The following SLC12A3 variants were observed in gnomAD, a reference collection of about 807,000 sequenced individuals.
SLC12A3 encodes the protein Na-Cl cotransporter.
A neutral mutation model predicts 121.0 loss-of-function variants in SLC12A3; 104 were observed. The observed-to-expected ratio is 0.86, with a 90% CI of 0.73 to 1.01. The LOEUF is 1.01. Ranked by LOEUF, SLC12A3 falls within the 50% of genes least tolerant of loss-of-function variation. The pLI, the probability that SLC12A3 is intolerant of heterozygous loss-of-function variation, is 0.00. For missense variants in SLC12A3, 1,328 were observed against 1,356.3 expected, an observed-to-expected ratio of 0.98 and a Z score of 0.33; for synonymous variants, 536 against 533.4, an observed-to-expected ratio of 1.00 and a Z score of -0.07.
chr16:56,890,132 A>G, intron 18 of SLC12A3, 142 bp from the exon 19 acceptor site: 1 of 719,886 alleles, frequency 1.4e-6, no homozygotes, highest in Non-Finnish European at 2.5e-6. Flanking sequence ...TACAGGATAC[A>G]GATGGGGAAA....
intron 1 of SLC12A3, 127 bp from the exon 2 acceptor site, chr16:56,866,943 C>T: frequency 7.9e-7 from 1 of 1,272,316 alleles, no homozygotes; most frequent in Non-Finnish European, 1.1e-6. Context: ...AGCAGCTCAA[C>T]ACCCAGTGGG....
intron 2 of SLC12A3, among the ~76,000 whole-genome samples, chr16:56,868,057 TA>T (rs1288447376): frequency 1.3e-5 from 2 of 152,112 alleles, no homozygotes; most frequent in Non-Finnish European, 2.9e-5. Flanking sequence ...GCTGGTAGCC[TA>T]GCGTCAGGAC....
intron 25 of SLC12A3, chr16:56,906,917 A>T (rs2055615163): frequency 2.1e-6 from 1 of 468,370 alleles, no homozygotes. Flanking sequence ...TGGTGCTGGC[A>T]AAAGGTGGGC....
rs1776291751 is a variant in SLC12A3, at chr16:56,878,968, G to C, written c.1181-105G>C. The C allele has an allele frequency of 2.2e-6, 3 of 1,345,952 alleles. No individual in the cohort carries two copies. In the East Asian group the frequency reaches 7.5e-5, roughly 34 times the overall value. 83.4% of individuals were successfully genotyped at this position (1,345,952 alleles called of 1,614,324 possible). On this transcript the variant is annotated intron_variant, in intron 9 of 25. Transcript: ENST00000563236. The stretch of plus-strand genomic sequence containing the variant: ...ATTATCATTGCATAATGAAGGGACA[G>C]CTGCCCATCATCTGCAGCACCTCGC...
intron 8 of SLC12A3, among the ~76,000 whole-genome samples, chr16:56,875,971 A>G (rs1159439668): frequency 6.6e-6 from 1 of 151,808 alleles, no homozygotes; most frequent in Non-Finnish European, 1.5e-5. Flanking sequence ...TTTTCACCAC[A>G]AATTGGGTGG....
Position 56,870,664 on chromosome 16 carries a change from C to T in SLC12A3, c.780C>T (p.Ile260=). 1.2e-6 allele frequency: 2 copies of T among 1,613,814 alleles called. No individual in the cohort carries two copies. Among genetic ancestry groups the T allele is most frequent in the Non-Finnish European group, 1.7e-6 (2 of 1,179,704 alleles). The part of the protein sequence containing the change: ...GAPIVDPIND[I]RIIAVVSVTV... ...CCATCGTGGACCCCATTAACGACAT[C>T]CGCATCATTGCCGTGGTCTCGGTCA... The change falls in exon 6 of 26, where the codon ATC becomes ATT. Residue 260 remains isoleucine, a synonymous_variant. Coordinates refer to ENST00000563236, the MANE Select transcript of SLC12A3 (RefSeq NM_001126108.2).
intron 16 of SLC12A3, among the ~76,000 whole-genome samples, 163 bp downstream of exon 16, chr16:56,886,638 C>T (rs1470834481): frequency 2.0e-5 from 3 of 152,112 alleles, no homozygotes; most frequent in Non-Finnish European, 2.9e-5. Context: ...TGATGTCCAC[C>T]CACAGAGTGG....
At chr16:56,878,040 C>CTCCCTCCCTCCCTCCCTCTCTCCG (rs2055187406) in intron 8 of SLC12A3, 37 bp from the exon 9 acceptor site, 1 of 609,936 alleles carries the variant, frequency 1.6e-6, no homozygotes, top group Non-Finnish European at 3.0e-6. Context: ...CCCTCTCTCC[C>CTCCCTCCCTCCCTCCCTCTCTCCG]TCCCTCCCTC....
In SLC12A3 at chr16:56,870,697, G is replaced by T; in HGVS notation, c.813G>T (p.Leu271=). The change falls in exon 6 of 26, where the codon CTG becomes CTT. Residue 271 remains leucine, a synonymous_variant. Coordinates refer to ENST00000563236, the MANE Select transcript of SLC12A3 (RefSeq NM_001126108.2). Reference sequence around the variant, plus strand: ...TTGCCGTGGTCTCGGTCACTGTGCTGCTGGCCATCTCCCTGGCTGGCATGG... The same window carrying T: ...TTGCCGTGGTCTCGGTCACTGTGCTTCTGGCCATCTCCCTGGCTGGCATGG... ...RIIAVVSVTV[L]LAISLAGMEW... The T allele has an allele frequency of 6.2e-7, 1 of 1,613,902 alleles. No homozygotes were observed. Among genetic ancestry groups the T allele is most frequent in the Non-Finnish European group, 8.5e-7 (1 of 1,179,744 alleles).
Position 56,869,906 on chromosome 16 carries a change from A to G in SLC12A3, c.601+82A>G, listed in dbSNP as rs2055068719. The G allele has an allele frequency of 4.3e-6, 6 of 1,407,460 alleles. No individual in the cohort carries two copies. The Admixed American group carries it at 8.5e-5, about 20-fold the overall frequency. The allele number at this position is 1,407,460 out of a possible 1,614,324, so 87.2% of individuals were successfully genotyped here. On this transcript the variant is annotated intron_variant, in intron 4 of 25. Coordinates refer to ENST00000563236, the MANE Select transcript of SLC12A3 (RefSeq NM_001126108.2). ...ACAGGACTCCCAACTTCCCCAACCCAATGGTACACCCAGCCGCTCCTGTGG... is the reference window on the plus strand; with the variant it reads ...ACAGGACTCCCAACTTCCCCAACCCGATGGTACACCCAGCCGCTCCTGTGG...
At position 56,905,137 on chromosome 16, in the gene SLC12A3, C is replaced by G. The variant is rs185622986; in HGVS notation, c.2924+675C>G. 5.9e-5 allele frequency among the ~76,000 whole-genome samples: 9 copies of G among 152,032 alleles called. No homozygotes were observed. In the East Asian group the frequency reaches 1.4e-3, roughly 23 times the overall value. On this transcript the variant is annotated intron_variant, in intron 25 of 25. Coordinates refer to ENST00000563236, the MANE Select transcript of SLC12A3 (RefSeq NM_001126108.2). ...GGCAGATCACCTGAGGTCGGGAGGT[C>G]GAGACCAGCCTGACCAACATGGAGA...
At chr16:56,865,683 G>T (rs1357016540) in intron 1 of SLC12A3, among the ~76,000 whole-genome samples, 166 bp downstream of exon 1, 2 of 152,214 alleles carry the variant, frequency 1.3e-5, no homozygotes, top group Admixed American at 1.3e-4. Context: ...AGAAATCTGG[G>T]CACATGTTGG....
At chr16:56,906,436 G>C (rs1240100797) in intron 25 of SLC12A3, 1 of 157,530 alleles carries the variant, frequency 6.3e-6, no homozygotes, top group Non-Finnish European at 1.4e-5. Context: ...TGAGCAACCA[G>C]TTTGGAGACC....
At chr16:56,905,830 G>T (rs1041807315) in intron 25 of SLC12A3, among the ~76,000 whole-genome samples, 5 of 152,168 alleles carry the variant, frequency 3.3e-5, no homozygotes, top group African/African-American at 1.2e-4. Flanking sequence ...TTTGATCATT[G>T]ATGTAGACAG....
In SLC12A3 at chr16:56,885,277, G is replaced by A; in HGVS notation, c.1838G>A (p.Gly613Asp). Residue 613 changes from glycine (G) to aspartate (D), a missense_variant, in exon 15 of 26, where the codon GGC becomes GAC. By Grantham distance (94) the Gly-to-Asp change is moderately conservative. Coordinates refer to ENST00000563236, the MANE Select transcript of SLC12A3 (RefSeq NM_001126108.2). ...VIYKKPEVNW[G>D]SSVQAGSYNL... ...CTTGCTCTCCCAGAGGTAAATTGGGGCTCCTCGGTACAGGCTGGCTCCTAC... is the reference window on the plus strand; with the variant it reads ...CTTGCTCTCCCAGAGGTAAATTGGGACTCCTCGGTACAGGCTGGCTCCTAC... 6.4e-7 allele frequency: 1 copy of A among 1,552,388 alleles called. No individual in the cohort carries two copies. Among genetic ancestry groups the A allele is most frequent in the Non-Finnish European group, 8.7e-7 (1 of 1,147,122 alleles).
At chr16:56,895,631 A>G (rs1425228121) in intron 22 of SLC12A3, among the ~76,000 whole-genome samples, 1 of 152,132 alleles carries the variant, frequency 6.6e-6, no homozygotes, top group Non-Finnish European at 1.5e-5. Flanking sequence ...TTAGGGCATC[A>G]GTCCCCAACC....
Position 56,870,164 on chromosome 16 carries a change from G to C in SLC12A3, c.670G>C (p.Ala224Pro), listed in dbSNP as rs201727970. The C allele has an allele frequency of 1.2e-5, 19 of 1,614,046 alleles. No homozygotes were observed. Among genetic ancestry groups the C allele is most frequent in the Non-Finnish European group, 1.6e-5 (19 of 1,180,040 alleles). ...ELGGSIGLIF[A>P]FANAVGVAMH... The stretch of plus-strand genomic sequence containing the variant: ...TGGGGGCTCCATCGGCCTCATTTTC[G>C]CTTTCGCCAATGCCGTGGGTGTGGC... Residue 224 changes from alanine (A) to proline (P), a missense_variant, in exon 5 of 26, where the codon GCT becomes CCT. Physicochemically the swap from Ala to Pro is conservative, Grantham distance 27 (BLOSUM62 -1). Transcript: ENST00000563236.
At position 56,878,164 on chromosome 16, in the gene SLC12A3, A is replaced by G. The variant is rs1286781843; in HGVS notation, c.1180+3A>G. On this transcript the variant is annotated splice_donor_region_variant and intron_variant, in intron 9 of 25. Transcript: ENST00000563236. ...CCTGGCCATCTCAGCCACCATTGGTAAGTGGCCGGCCCAGCCAGTCAGGAG... is the reference window on the plus strand; with the variant it reads ...CCTGGCCATCTCAGCCACCATTGGTGAGTGGCCGGCCCAGCCAGTCAGGAG... 2 of 1,609,660 alleles carry G rather than the reference A, an allele frequency of 1.2e-6. No individual in the cohort carries two copies. Among genetic ancestry groups the G allele is most frequent in the Non-Finnish European group, 1.7e-6 (2 of 1,178,214 alleles).
Position 56,865,489 on chromosome 16 carries a change from C to T in SLC12A3, c.254C>T (p.Thr85Ile). Residue 85 changes from threonine to isoleucine, a missense_variant, in exon 1 of 26, where the codon ACA (threonine) becomes ATA (isoleucine). Thr to Ile is a moderately conservative substitution (Grantham distance 89). Transcript: ENST00000563236. ...QPGEPRKVRP[T>I]LADLHSFLKQ... ...GGTGAGCCCCGGAAGGTCCGGCCCACACTGGCTGACCTGCACTCCTTCCTC... is the reference window on the plus strand; with the variant it reads ...GGTGAGCCCCGGAAGGTCCGGCCCATACTGGCTGACCTGCACTCCTTCCTC... 6.2e-7 allele frequency: 1 copy of T among 1,613,530 alleles called. No homozygotes were observed. The highest frequency in any genetic ancestry group is 8.5e-7 in the Non-Finnish European group (1 of 1,180,050).
Sources: gnomAD v4.1 joint callset for allele counts (sites outside exome capture counted in the v4.1 genomes callset) on GRCh38, gnomAD v4.1.1 for gene constraint, MANE v1.5 for transcripts, NCBI Gene and HGNC (gene_info 2026-07-23, HGNC 2026-07-21) for gene names.